The following ESRRG variants were observed in gnomAD, a reference collection of about 807,000 sequenced individuals.
ESRRG encodes the protein estrogen-related receptor gamma.
Under a neutral mutation model 44.0 loss-of-function variants are expected in ESRRG, and 13 were observed. That is an observed-to-expected ratio of 0.30 (90% confidence interval 0.19 to 0.47). The LOEUF is 0.47. Ranked by LOEUF, ESRRG falls within the 20% of genes least tolerant of loss-of-function variation. The probability of loss-of-function intolerance (pLI) is 1.00; values close to 1 mark genes in which losing one functional copy is unlikely to be tolerated. For synonymous variants in ESRRG, 215 were observed against 214.6 expected, an observed-to-expected ratio of 1.00 and a Z score of -0.02; for missense variants, 395 against 580.6, an observed-to-expected ratio of 0.68 and a Z score of 3.29.
At chr1:217,136,210 T>G (rs1056431171) in intron 1 of ESRRG, among the ~76,000 whole-genome samples, 1 of 152,152 alleles carries the variant, frequency 6.6e-6, no homozygotes, top group Non-Finnish European at 1.5e-5. Context: ...GGAGCCGGGT[T>G]TCTCTCTGGG....
chr1:216,959,188 A>G (rs1560264750), intron 1 of ESRRG, among the ~76,000 whole-genome samples: 1 of 151,914 alleles, frequency 6.6e-6, no homozygotes, highest in Non-Finnish European at 1.5e-5. Flanking sequence ...TCATTCCACA[A>G]CTTTTGCTCA....
intron 1 of ESRRG, among the ~76,000 whole-genome samples, chr1:217,017,018 T>A (rs1276309042): frequency 2.0e-5 from 3 of 152,200 alleles, no homozygotes; most frequent in Admixed American, 6.5e-5. Flanking sequence ...ATAAGTGATG[T>A]AGGGCTTTAC....
At chr1:216,924,116 G>A (rs1466320630) in intron 2 of ESRRG, among the ~76,000 whole-genome samples, 1 of 152,124 alleles carries the variant, frequency 6.6e-6, no homozygotes, top group Non-Finnish European at 1.5e-5. Flanking sequence ...TGAAGGGCAG[G>A]GGGAGCAGAC....
chr1:216,803,813 A>G (rs1237176520), intron 2 of ESRRG, among the ~76,000 whole-genome samples: 1 of 152,062 alleles, frequency 6.6e-6, no homozygotes, highest in African/African-American at 2.4e-5. Flanking sequence ...CTCCCCAGTA[A>G]AAATTACCCA....
At chr1:216,915,090 A>G (rs2060975998) in intron 2 of ESRRG, among the ~76,000 whole-genome samples, 1 of 152,194 alleles carries the variant, frequency 6.6e-6, no homozygotes, top group Non-Finnish European at 1.5e-5. Flanking sequence ...ATCAGTAAAC[A>G]TGGGAGGGTC....
intron 2 of ESRRG, chr1:216,862,755 G>T (rs1021032259): frequency 6.6e-6 from 1 of 152,076 alleles, no homozygotes; most frequent in African/African-American, 2.4e-5. Context: ...GTCAGTAAAG[G>T]GGTCAGAGAA....
At chr1:216,940,255 T>TAAA (rs2064999947) in intron 1 of ESRRG, among the ~76,000 whole-genome samples, 1 of 152,204 alleles carries the variant, frequency 6.6e-6, no homozygotes, top group Non-Finnish European at 1.5e-5. Flanking sequence ...AAACATACAC[T>TAAA]AATGATGTTT....
intron 2 of ESRRG, among the ~76,000 whole-genome samples, chr1:216,730,839 C>T (rs540953170): frequency 1.3e-5 from 2 of 152,212 alleles, no homozygotes; most frequent in South Asian, 2.1e-4. Flanking sequence ...GAAGACAAGG[C>T]CTGCTCCATG....
intron 2 of ESRRG, among the ~76,000 whole-genome samples, chr1:216,813,738 G>A (rs2095047319): frequency 6.6e-6 from 1 of 152,114 alleles, no homozygotes; most frequent in Non-Finnish European, 1.5e-5. Context: ...GATCATAAGT[G>A]CCTGCACACT....
chr1:216,659,991 G>T (rs1382134765), intron 2 of ESRRG, among the ~76,000 whole-genome samples: 1 of 152,090 alleles, frequency 6.6e-6, no homozygotes, highest in Non-Finnish European at 1.5e-5. Flanking sequence ...CCATTTTAGT[G>T]TTTAGCTTCA....
intron 1 of ESRRG, among the ~76,000 whole-genome samples, chr1:216,984,096 C>G (rs1311719297): frequency 2.0e-5 from 3 of 151,932 alleles, no homozygotes; most frequent in South Asian, 4.2e-4. Context: ...CCAAAGAACA[C>G]GACTACATTT....
intron 1 of ESRRG, among the ~76,000 whole-genome samples, chr1:217,070,386 A>T (rs1558189903): frequency 2.0e-5 from 3 of 147,964 alleles, no homozygotes; most frequent in Admixed American, 1.4e-4. Context: ...TCCAAAGTTA[A>T]TTTTTTTTTT....
intron 2 of ESRRG, among the ~76,000 whole-genome samples, chr1:216,729,676 A>G (rs1228988719): frequency 6.6e-6 from 1 of 152,212 alleles, no homozygotes; most frequent in Admixed American, 6.5e-5. Context: ...GACTCTCCAG[A>G]GAATTCAATT....
At chr1:216,747,895 C>G (rs1356863650) in intron 2 of ESRRG, among the ~76,000 whole-genome samples, 1 of 152,104 alleles carries the variant, frequency 6.6e-6, no homozygotes, top group Non-Finnish European at 1.5e-5. Context: ...CTCATTTTGC[C>G]TATAATGTTG....
chr1:216,805,045 G>A (rs2094744481), intron 2 of ESRRG: 1 of 152,136 alleles, frequency 6.6e-6, no homozygotes, highest in South Asian at 2.1e-4. Flanking sequence ...TGGTATAGCT[G>A]AAGAAATTAG....
In ESRRG at chr1:216,743,869, C is replaced by T. The variant is rs567039628; in HGVS notation, c.-13-66378G>A. Reference sequence around the variant, plus strand: ...TTTACTGATTAGGAAGCTGAGACTTCGTAACTTACTATAACTTCCATAGTA... The same window carrying T: ...TTTACTGATTAGGAAGCTGAGACTTTGTAACTTACTATAACTTCCATAGTA... On this transcript the variant is annotated intron_variant, in intron 2 of 7. Transcript: ENST00000359162. 2.6e-5 allele frequency among the ~76,000 whole-genome samples: 4 copies of T among 152,302 alleles called. No homozygotes were observed. In the South Asian group the frequency reaches 6.2e-4, roughly 24 times the overall value.
intron 1 of ESRRG, among the ~76,000 whole-genome samples, chr1:217,133,077 C>T (rs1034273588): frequency 3.3e-5 from 5 of 152,202 alleles, no homozygotes; most frequent in African/African-American, 1.2e-4. Context: ...CTCTAGAGGT[C>T]AGGCCACAGA....
chr1:216,958,687 A>T (rs1204652923), intron 1 of ESRRG, among the ~76,000 whole-genome samples: 2 of 152,134 alleles, frequency 1.3e-5, no homozygotes, highest in Non-Finnish European at 2.9e-5. Flanking sequence ...ATCACTCACT[A>T]AGAGCCAAAA....
At chr1:216,595,711 C>T (rs891811967) in intron 3 of ESRRG, among the ~76,000 whole-genome samples, 3 of 152,152 alleles carry the variant, frequency 2.0e-5, no homozygotes, top group Non-Finnish European at 4.4e-5. Flanking sequence ...TGGCTGTTTC[C>T]TCTCAACTTC....
Sources: allele counts gnomAD v4.1 joint callset (sites outside exome capture counted in the v4.1 genomes callset), GRCh38; gene constraint gnomAD v4.1.1; transcripts MANE v1.5; gene names NCBI Gene and HGNC (gene_info 2026-07-23, HGNC 2026-07-21).